Variants in CRIM1 observed in about 807,000 individuals in gnomAD.
The protein encoded by CRIM1 is cysteine rich transmembrane BMP regulator 1, also known as cysteine-rich motor neuron 1 protein.
A neutral mutation model predicts 116.4 loss-of-function variants in CRIM1; 32 were observed. That is an observed-to-expected ratio of 0.27 (90% CI 0.21 to 0.37). The LOEUF is 0.37. Among genes scored for constraint, CRIM1 ranks in the 10% least tolerant of loss-of-function variants. The pLI is 1.00. For missense variants in CRIM1, 1,331 were observed against 1,354.8 expected (o/e 0.98, Z 0.28); for synonymous variants, 590 against 509.2 (o/e 1.16, Z -2.13).
intron 2 of CRIM1, among the ~76,000 whole-genome samples, chr2:36,397,965 C>T (rs1240485385): frequency 2.0e-5 from 3 of 152,122 alleles, no homozygotes; most frequent in South Asian, 2.1e-4. Context: ...AGTATTCTTC[C>T]TGTCACATCA....
At chr2:36,434,211 T>C (rs1194388055) in intron 2 of CRIM1, among the ~76,000 whole-genome samples, 1 of 152,230 alleles carries the variant, frequency 6.6e-6, no homozygotes, top group African/African-American at 2.4e-5. Context: ...ATGCTGAATA[T>C]AAGAAAGTTC....
intron 2 of CRIM1, among the ~76,000 whole-genome samples, chr2:36,401,974 A>C (rs568783777): frequency 1.9e-5 from 2 of 107,946 alleles, no homozygotes; most frequent in South Asian, 5.5e-4. Flanking sequence ...TTTCAGCTGT[A>C]GCAAGAAACC....
chr2:36,482,017 G>T (rs745784033), intron 7 of CRIM1, among the ~76,000 whole-genome samples: 2 of 152,208 alleles, frequency 1.3e-5, no homozygotes, highest in Admixed American at 6.5e-5. Flanking sequence ...TCAGGGGAAA[G>T]ATGCCTTTGA....
rs1679928242 is a variant in CRIM1, at chr2:36,487,660, A to G, written c.1372+7966A>G. Among the ~76,000 whole-genome samples the G allele has an allele frequency of 4.6e-5, 7 of 152,188 alleles. No individual in the cohort carries two copies. The South Asian group carries it at 1.4e-3, about 32-fold the overall frequency. On this transcript the variant is annotated intron_variant, in intron 7 of 16. Coordinates refer to ENST00000280527, the MANE Select transcript of CRIM1 (RefSeq NM_016441.3). ...GCACTTTGTCTTCTATGACATAGTA[A>G]TTTGCTCTGAAAGCAACTATGAAGA...
intron 2 of CRIM1, 57 bp downstream of exon 2, chr2:36,396,844 G>A: frequency 7.1e-7 from 1 of 1,401,548 alleles, no homozygotes; most frequent in Non-Finnish European, 9.9e-7. Flanking sequence ...ATGTAACCCT[G>A]AGTAGTAATA....
At chr2:36,442,995 A>G (rs1009490610) in intron 4 of CRIM1, among the ~76,000 whole-genome samples, 1 of 152,152 alleles carries the variant, frequency 6.6e-6, no homozygotes, top group Non-Finnish European at 1.5e-5. Flanking sequence ...GCTGGGACCT[A>G]TATAAGCAAA....
At chr2:36,469,259 G>C (rs1678298561) in intron 5 of CRIM1, among the ~76,000 whole-genome samples, 1 of 152,140 alleles carries the variant, frequency 6.6e-6, no homozygotes, top group African/African-American at 2.4e-5. Flanking sequence ...AGCAACTTCA[G>C]GGGGTTATGA....
In CRIM1 at chr2:36,547,094, A is replaced by T. The variant is rs1667403610; in HGVS notation, c.2857A>T (p.Ile953Phe). Residue 953 changes from isoleucine (I) to phenylalanine (F), a missense_variant, in exon 16 of 17, where the codon ATT becomes TTT. By Grantham distance (21) the Ile-to-Phe change is conservative. Around this residue, in one of 3 missense-constraint regions of CRIM1, gnomAD observed 283 missense variants for 242.8 expected, o/e 1.17. Coordinates refer to ENST00000280527, the MANE Select transcript of CRIM1 (RefSeq NM_016441.3). Reference sequence around the variant, plus strand: ...GGTTCCCATAATTATATGCCTCTCTATTATAATAGCATTCCTATTCATCAA... The same window carrying T: ...GGTTCCCATAATTATATGCCTCTCTTTTATAATAGCATTCCTATTCATCAA... ...VVVPIIICLSIIIAFLFINQK... is the reference protein window; with the variant it reads ...VVVPIIICLSFIIAFLFINQK... The T allele has an allele frequency of 6.2e-7, 1 of 1,611,918 alleles. No individual in the cohort carries two copies. Among genetic ancestry groups the T allele is most frequent in the African/African-American group, 1.3e-5 (1 of 74,812 alleles).
chr2:36,405,676 G>A (rs1393125840), intron 2 of CRIM1, among the ~76,000 whole-genome samples: 1 of 152,104 alleles, frequency 6.6e-6, no homozygotes, highest in Non-Finnish European at 1.5e-5. Context: ...TTGTTGTGCT[G>A]GTGTCAGAGA....
At chr2:36,443,367 A>G (rs1676006351) in intron 4 of CRIM1, among the ~76,000 whole-genome samples, 1 of 152,080 alleles carries the variant, frequency 6.6e-6, no homozygotes, top group South Asian at 2.1e-4. Context: ...TTAGTCTACA[A>G]AGCACCACCA....
chr2:36,444,269 T>G (rs1021213063), intron 4 of CRIM1, among the ~76,000 whole-genome samples: 1 of 152,160 alleles, frequency 6.6e-6, no homozygotes, highest in African/African-American at 2.4e-5. Flanking sequence ...GGGGTTGAAA[T>G]GGGTAGAAGC....
intron 15 of CRIM1, among the ~76,000 whole-genome samples, chr2:36,546,001 C>T (rs1667296347): frequency 6.6e-6 from 1 of 152,114 alleles, no homozygotes. Flanking sequence ...TCCCTGCTCC[C>T]ACCACCCCTC....
chr2:36,510,955 G>T (rs1664632640), intron 9 of CRIM1, among the ~76,000 whole-genome samples: 1 of 136,628 alleles, frequency 7.3e-6, no homozygotes, highest in East Asian at 2.1e-4. Context: ...AGGCAGGGTA[G>T]TGCTCTGCCA....
At chr2:36,369,543 G>A (rs1427357901) in intron 1 of CRIM1, among the ~76,000 whole-genome samples, 1 of 152,126 alleles carries the variant, frequency 6.6e-6, no homozygotes, top group African/African-American at 2.4e-5. Context: ...AAAAAGTTCT[G>A]TAAAAATGTT....
intron 4 of CRIM1, among the ~76,000 whole-genome samples, chr2:36,463,839 G>C (rs1677779745): frequency 6.6e-6 from 1 of 152,148 alleles, no homozygotes; most frequent in Non-Finnish European, 1.5e-5. Flanking sequence ...GCTCAGGTGG[G>C]AGCTTAAGAT....
chr2:36,544,978 C>T (rs1667216956), intron 15 of CRIM1, among the ~76,000 whole-genome samples: 1 of 152,156 alleles, frequency 6.6e-6, no homozygotes, highest in Admixed American at 6.5e-5. Context: ...TTCTAGTCAC[C>T]AGGTTTACTC....
chr2:36,550,033 G>GT lies in CRIM1; in HGVS notation c.*1332_*1333insT, dbSNP rs1334677646. 6.7e-6 allele frequency: 1 copy of GT among 148,606 alleles called. No individual in the cohort carries two copies. Among genetic ancestry groups the GT allele is most frequent in the African/African-American group, 2.6e-5 (1 of 39,004 alleles). The allele number at this position is 148,606 out of a possible 1,614,324, so 9.2% of individuals were successfully genotyped here. A position where few individuals can be genotyped will look rare whatever the true frequency, so the allele number is the denominator to read the frequency against. ...TTTAATTGGAAAGATGTGTGTGTGA[G>GT]AGTATGTATGTGTGTGTGTGTGTGT... On this transcript the variant is annotated 3_prime_UTR_variant, in exon 17 of 17. Coordinates refer to ENST00000280527, the MANE Select transcript of CRIM1 (RefSeq NM_016441.3).
At chr2:36,378,245 G>A (rs915624801) in intron 1 of CRIM1, 2 of 466,330 alleles carry the variant, frequency 4.3e-6, no homozygotes, top group South Asian at 1.6e-5. Context: ...AAATCAATGA[G>A]TAATTGATGG....
chr2:36,495,116 G>T (rs374176374), intron 7 of CRIM1, among the ~76,000 whole-genome samples: 2 of 152,082 alleles, frequency 1.3e-5, no homozygotes, highest in African/African-American at 2.4e-5. Flanking sequence ...CATCAGTGCC[G>T]CCAGAAATCT....
Sources: gnomAD v4.1 joint callset for allele counts (sites outside exome capture counted in the v4.1 genomes callset) on GRCh38, gnomAD v4.1.1 for gene constraint, gnomAD v4.1.1 regional missense constraint, MANE v1.5 for transcripts, NCBI Gene and HGNC (gene_info 2026-07-23, HGNC 2026-07-21) for gene names.